POLR3B: variants seen among roughly 807,000 people sequenced by gnomAD.
POLR3B encodes DNA-directed RNA polymerase III subunit RPC2.
Under a neutral mutation model 147.4 loss-of-function variants are expected in POLR3B, and 96 were observed. The observed-to-expected ratio is 0.65, with a 90% CI of 0.55 to 0.77. POLR3B has a LOEUF of 0.77. Ranked by LOEUF, POLR3B falls within the 30% of genes least tolerant of loss-of-function variation. The probability of loss-of-function intolerance (pLI) is 0.00; values close to 1 mark genes in which losing one functional copy is unlikely to be tolerated. For missense variants in POLR3B, 1,036 were observed against 1,413.5 expected (o/e 0.73, Z 4.28); for synonymous variants, 461 against 485.9 (o/e 0.95, Z 0.67).
chr12:106,382,642 A>T (rs780765451), intron 9 of POLR3B, among the ~76,000 whole-genome samples: 1 of 152,196 alleles, frequency 6.6e-6, no homozygotes, highest in Non-Finnish European at 1.5e-5. Flanking sequence ...TTTTTAAAGG[A>T]TCTTTTTTCT....
At chr12:106,358,089 C>T (rs1186902928) in intron 1 of POLR3B, 138 bp downstream of exon 1, 2 of 1,523,696 alleles carry the variant, frequency 1.3e-6, no homozygotes, top group Admixed American at 2.0e-5. Context: ...CCCAGAGCGT[C>T]GCGCTTGCGA....
At position 106,504,674 on chromosome 12, in the gene POLR3B, A is replaced by G. The variant is rs143924174; in HGVS notation, c.3272+420A>G. ...AGCCAGGGATGCTGCCCCAGGTCTT[A>G]TAGCAAATTGGTGACAGAGCCAAGA... On this transcript the variant is annotated intron_variant, in intron 27 of 27. Coordinates refer to ENST00000228347, the MANE Select transcript of POLR3B (RefSeq NM_018082.6). The surrounding 1 kb of genome is among the most constrained non-coding windows in gnomAD (Gnocchi z 4.6). Among the ~76,000 whole-genome samples, 276 of 152,330 alleles carry G rather than the reference A, an allele frequency of 1.8e-3. 1 individual carries two copies. The highest frequency in any genetic ancestry group is 6.2e-3 in the African/African-American group (258 of 41,584).
intron 23 of POLR3B, among the ~76,000 whole-genome samples, chr12:106,491,170 T>G (rs2038403649): frequency 6.6e-6 from 1 of 152,206 alleles, no homozygotes; most frequent in Non-Finnish European, 1.5e-5. Flanking sequence ...AAAGTACCTC[T>G]CAGACATTAG....
intron 24 of POLR3B, 56 bp downstream of exon 24, chr12:106,496,214 T>C: frequency 1.9e-6 from 2 of 1,058,508 alleles, no homozygotes; most frequent in African/African-American, 1.5e-5. Flanking sequence ...AGCAGGCAGT[T>C]AGTTTAGTTA....
At chr12:106,376,047 T>A (rs1035146366) in intron 6 of POLR3B, among the ~76,000 whole-genome samples, 3 of 152,186 alleles carry the variant, frequency 2.0e-5, no homozygotes, top group Admixed American at 6.5e-5. Context: ...AGTTCCACCA[T>A]GTTGGCCAGG....
At chr12:106,442,282 T>G (rs1197845720) in intron 18 of POLR3B, among the ~76,000 whole-genome samples, 1 of 152,150 alleles carries the variant, frequency 6.6e-6, no homozygotes, top group African/African-American at 2.4e-5. Flanking sequence ...TTCTTTTCAT[T>G]TTTCAACTCA....
chr12:106,360,748 T>C (rs2036458668), intron 1 of POLR3B, among the ~76,000 whole-genome samples: 1 of 152,240 alleles, frequency 6.6e-6, no homozygotes, highest in African/African-American at 2.4e-5. Context: ...TATTTGTCAG[T>C]GTTACTGAGT....
At chr12:106,361,594 T>TA (rs1178587233) in intron 1 of POLR3B, among the ~76,000 whole-genome samples, 7 of 152,142 alleles carry the variant, frequency 4.6e-5, no homozygotes, top group African/African-American at 1.7e-4. Context: ...GGCACTGTGG[T>TA]AACAGGATAG....
intron 9 of POLR3B, among the ~76,000 whole-genome samples, chr12:106,380,489 G>A (rs1383878323): frequency 1.3e-5 from 2 of 152,118 alleles, no homozygotes; most frequent in Non-Finnish European, 2.9e-5. Context: ...AGGCTGAGGT[G>A]GGAGGATGGC....
At chr12:106,452,706 C>G (rs1185686559) in intron 19 of POLR3B, among the ~76,000 whole-genome samples, 3 of 152,106 alleles carry the variant, frequency 2.0e-5, no homozygotes, top group Admixed American at 2.0e-4. Context: ...GATCTATTGC[C>G]AGGTATCCTG....
chr12:106,477,998 G>A (rs1320461791), intron 23 of POLR3B, among the ~76,000 whole-genome samples: 4 of 133,490 alleles, frequency 3.0e-5, no homozygotes, highest in South Asian at 5.2e-4. Flanking sequence ...TCCACCTCCC[G>A]GGTTCAAGCA....
At chr12:106,377,637 C>G (rs558803477) in intron 7 of POLR3B, among the ~76,000 whole-genome samples, 1 of 152,182 alleles carries the variant, frequency 6.6e-6, no homozygotes, top group South Asian at 2.1e-4. Flanking sequence ...TACACTTGTA[C>G]TTAAGAGCTC....
intron 26 of POLR3B, among the ~76,000 whole-genome samples, chr12:106,503,031 C>T (rs1383659887): frequency 6.6e-6 from 1 of 152,196 alleles, no homozygotes; most frequent in Non-Finnish European, 1.5e-5. Flanking sequence ...TGGATTCTGT[C>T]CACATGTGGT....
At chr12:106,392,884 C>A (rs1198135613) in intron 9 of POLR3B, 147 bp from the exon 10 acceptor site, 21 of 905,258 alleles carry the variant, frequency 2.3e-5, no homozygotes, top group Non-Finnish European at 3.4e-5. Flanking sequence ...TTGGGCAAGG[C>A]TGCCAATGCC....
At position 106,454,806 on chromosome 12, in the gene POLR3B, T is replaced by G. The variant is rs934462647; in HGVS notation, c.2293+95T>G. 17 of 751,648 alleles carry G rather than the reference T, an allele frequency of 2.3e-5. No individual in the cohort carries two copies. In the East Asian group the frequency reaches 3.7e-4, roughly 16 times the overall value. 46.6% of individuals were successfully genotyped at this position (751,648 alleles called of 1,614,324 possible). A position where few individuals can be genotyped will look rare whatever the true frequency, so the allele number is the denominator to read the frequency against. On this transcript the variant is annotated intron_variant, in intron 20 of 27. Transcript: ENST00000228347. Reference sequence around the variant, plus strand: ...AAAATCACTTGGTTAATGTCAGTTTTAAGTTATTTGAATTTTATGATATAG... The same window carrying G: ...AAAATCACTTGGTTAATGTCAGTTTGAAGTTATTTGAATTTTATGATATAG...
intron 22 of POLR3B, among the ~76,000 whole-genome samples, chr12:106,461,540 G>T (rs1335801473): frequency 6.6e-6 from 1 of 152,168 alleles, no homozygotes; most frequent in Non-Finnish European, 1.5e-5. Context: ...CCCATGTATA[G>T]TCGAACTTGC....
chr12:106,389,616 T>A (rs897397988), intron 9 of POLR3B, among the ~76,000 whole-genome samples: 19 of 150,310 alleles, frequency 1.3e-4, no homozygotes, highest in Non-Finnish European at 2.4e-4. Context: ...TTTTTTTTAA[T>A]TTTGGAATAT....
At chr12:106,460,369 G>A (rs775721040) in intron 22 of POLR3B, among the ~76,000 whole-genome samples, 6 of 152,136 alleles carry the variant, frequency 3.9e-5, no homozygotes, top group Non-Finnish European at 7.3e-5. Context: ...TTCTCTTAGT[G>A]GCTCATTAGA....
At chr12:106,407,151 G>T (rs2037161590) in intron 11 of POLR3B, among the ~76,000 whole-genome samples, 1 of 152,170 alleles carries the variant, frequency 6.6e-6, no homozygotes, top group Non-Finnish European at 1.5e-5. Flanking sequence ...GGTCTCAACT[G>T]AATTTTAAGC....
Sources: gnomAD v4.1 joint callset for allele counts (sites outside exome capture counted in the v4.1 genomes callset) on GRCh38, gnomAD v4.1.1 for gene constraint, Gnocchi (gnomAD v3.1) non-coding constraint, MANE v1.5 for transcripts, NCBI Gene and HGNC (gene_info 2026-07-23, HGNC 2026-07-21) for gene names.